GLCE: variants seen among roughly 807,000 people sequenced by gnomAD.
The protein encoded by GLCE is D-glucuronyl C5-epimerase.
GLCE carries 19 observed loss-of-function variants against 47.9 expected under a neutral mutation model. The ratio of observed to expected loss-of-function variants is 0.40; its 90% CI spans 0.28 to 0.58. The LOEUF is 0.58. Ranked by LOEUF, GLCE falls within the 20% of genes least tolerant of loss-of-function variation. GLCE has a pLI of 0.48. For missense variants in GLCE, 556 were observed against 743.3 expected, an observed-to-expected ratio of 0.75 and a Z score of 2.93; for synonymous variants, 245 against 263.4, an observed-to-expected ratio of 0.93 and a Z score of 0.68.
At chr15:69,238,190 C>T (rs1386209676) in intron 2 of GLCE, among the ~76,000 whole-genome samples, 3 of 151,972 alleles carry the variant, frequency 2.0e-5, no homozygotes, top group Non-Finnish European at 2.9e-5. Context: ...CAGAAGCTGA[C>T]GCATAATGCT....
At chr15:69,212,128 G>A (rs1057138762) in intron 2 of GLCE, among the ~76,000 whole-genome samples, 4 of 151,412 alleles carry the variant, frequency 2.6e-5, no homozygotes, top group African/African-American at 9.8e-5. Context: ...ATATGTTAAT[G>A]AGGCCACCTT....
intron 1 of GLCE, among the ~76,000 whole-genome samples, chr15:69,199,190 A>G (rs181309854): frequency 6.6e-6 from 1 of 152,294 alleles, no homozygotes; most frequent in African/African-American, 2.4e-5. Flanking sequence ...ATGTTAATGA[A>G]AAGTTCAAGT....
At chr15:69,206,709 T>C (rs965686315) in intron 1 of GLCE, among the ~76,000 whole-genome samples, 5 of 151,998 alleles carry the variant, frequency 3.3e-5, no homozygotes, top group African/African-American at 9.7e-5. Context: ...GCTTATCATA[T>C]ATTTTCTCTG....
At chr15:69,197,032 G>T in intron 1 of GLCE, 1 of 320,938 alleles carries the variant, frequency 3.1e-6, no homozygotes, top group South Asian at 3.0e-5. Flanking sequence ...ACAGCTTTCT[G>T]AGTTCCAGCA....
In GLCE at chr15:69,267,807, C is replaced by G. The variant is rs143138039; in HGVS notation, c.830-413C>G. Among the ~76,000 whole-genome samples, 92 of 147,512 alleles carry G rather than the reference C, an allele frequency of 6.2e-4. No homozygotes were observed. The East Asian group carries it at 0.018, about 28-fold the overall frequency. ...CATGTATAACCATTTTTTCTAGCCT[C>G]TTTCTTGCAATATTATGTGCTGAGC... On this transcript the variant is annotated intron_variant, in intron 4 of 4. Transcript: ENST00000261858.
intron 1 of GLCE, among the ~76,000 whole-genome samples, chr15:69,188,382 T>C (rs2051860714): frequency 6.6e-6 from 1 of 152,254 alleles, no homozygotes; most frequent in Admixed American, 6.5e-5. Context: ...TTTCTTATAA[T>C]ATCTTAGTTT....
At chr15:69,200,303 A>G (rs1398528584) in intron 1 of GLCE, among the ~76,000 whole-genome samples, 1 of 152,178 alleles carries the variant, frequency 6.6e-6, no homozygotes, top group Non-Finnish European at 1.5e-5. Context: ...ATGGTTCCAG[A>G]TTTAAAATAC....
intron 2 of GLCE, among the ~76,000 whole-genome samples, chr15:69,251,794 C>T (rs1005010119): frequency 6.6e-6 from 1 of 152,130 alleles, no homozygotes; most frequent in Admixed American, 6.6e-5. Flanking sequence ...ACAAATTTGA[C>T]TAATAGGAAA....
intron 1 of GLCE, among the ~76,000 whole-genome samples, chr15:69,178,571 A>G (rs1226201211): frequency 6.6e-6 from 1 of 152,116 alleles, no homozygotes; most frequent in South Asian, 2.1e-4. Context: ...TAAGTGCTCT[A>G]TGGAAGTTTA....
In GLCE at chr15:69,255,976, C is replaced by G. The variant is rs1466895871; in HGVS notation, c.170C>G (p.Ala57Gly). 1 of 1,613,954 alleles carries G rather than the reference C, an allele frequency of 6.2e-7. No individual in the cohort carries two copies. Among genetic ancestry groups the G allele is most frequent in the East Asian group, 2.2e-5 (1 of 44,882 alleles). The part of the protein sequence containing the change: ...FRVDGFEKRA[A>G]ASESNNYMNH... Reference sequence around the variant, plus strand: ...GTGGATGGGTTTGAAAAAAGAGCAGCAGCATCTGAGAGTAACAACTATATG... The same window carrying G: ...GTGGATGGGTTTGAAAAAAGAGCAGGAGCATCTGAGAGTAACAACTATATG... Residue 57 changes from alanine (A) to glycine (G), a missense_variant, in exon 3 of 5, where the codon GCA (alanine) becomes GGA (glycine). This residue lies in a region of GLCE where 237 missense variants were observed against 310.9 expected (regional missense o/e 0.76). Transcript: ENST00000261858.
intron 1 of GLCE, among the ~76,000 whole-genome samples, chr15:69,208,126 A>G (rs2052176647): frequency 6.6e-6 from 1 of 151,984 alleles, no homozygotes; most frequent in African/African-American, 2.4e-5. Flanking sequence ...ACCTTTCCAG[A>G]GCATAAATTT....
At chr15:69,224,601 G>A (rs1268540559) in intron 2 of GLCE, among the ~76,000 whole-genome samples, 1 of 152,158 alleles carries the variant, frequency 6.6e-6, no homozygotes, top group Non-Finnish European at 1.5e-5. Flanking sequence ...AACAATCAGT[G>A]ATCAGAGTAC....
intron 1 of GLCE, among the ~76,000 whole-genome samples, chr15:69,189,648 A>G (rs1054242795): frequency 1.3e-5 from 2 of 152,178 alleles, no homozygotes; most frequent in African/African-American, 4.8e-5. Context: ...TACTGATCTC[A>G]AAGAACCAGC....
At chr15:69,248,564 C>T (rs1346049198) in intron 2 of GLCE, among the ~76,000 whole-genome samples, 2 of 152,004 alleles carry the variant, frequency 1.3e-5, no homozygotes, top group South Asian at 4.1e-4. Context: ...GAGGGAGCAA[C>T]GGAGAGGAAA....
intron 2 of GLCE, among the ~76,000 whole-genome samples, chr15:69,255,517 T>A (rs2052908477): frequency 6.6e-6 from 1 of 152,100 alleles, no homozygotes; most frequent in African/African-American, 2.4e-5. Flanking sequence ...TAGGGGGCAT[T>A]GTGAAAAATT....
intron 1 of GLCE, among the ~76,000 whole-genome samples, chr15:69,200,489 A>G (rs1398646195): frequency 6.6e-6 from 1 of 152,184 alleles, no homozygotes; most frequent in Non-Finnish European, 1.5e-5. Context: ...TTCTAACTAG[A>G]AAATACTAAT....
chr15:69,212,246 A>G (rs1172150307), intron 2 of GLCE, among the ~76,000 whole-genome samples: 2 of 152,046 alleles, frequency 1.3e-5, no homozygotes, highest in African/African-American at 2.4e-5. Context: ...TAAATGATGG[A>G]TGATATAAGA....
At chr15:69,238,718 G>A (rs1388676325) in intron 2 of GLCE, among the ~76,000 whole-genome samples, 1 of 152,058 alleles carries the variant, frequency 6.6e-6, no homozygotes, top group African/African-American at 2.4e-5. Flanking sequence ...TGCCATACAG[G>A]TAACAAAACC....
In GLCE at chr15:69,260,252, G is replaced by GC. The variant is rs57452657; in HGVS notation, c.587-835_587-834insC. Among the ~76,000 whole-genome samples, 551 of 79,252 alleles carry GC rather than the reference G, an allele frequency of 7.0e-3. 22 individuals are homozygous for GC. The highest frequency in any genetic ancestry group is 0.023 in the African/African-American group (527 of 23,324). The allele number at this position is 79,252 out of a possible 152,430, so 52.0% of individuals were successfully genotyped here. On this transcript the variant is annotated intron_variant, in intron 3 of 4. Coordinates refer to ENST00000261858, the MANE Select transcript of GLCE (RefSeq NM_015554.3). ...ATTTTAAATTGCCAAGTCACAACTG[G>GC]TTTTTTTTTTTTTTTTTTTTTTTTT... is the stretch of plus-strand genomic sequence containing the variant.
Sources: allele counts gnomAD v4.1 joint callset (sites outside exome capture counted in the v4.1 genomes callset), GRCh38; gene constraint gnomAD v4.1.1; regional missense constraint gnomAD v4.1.1; transcripts MANE v1.5; gene names NCBI Gene and HGNC (gene_info 2026-07-23, HGNC 2026-07-21).